The following POLN variants were observed in gnomAD, a reference collection of about 807,000 sequenced individuals.
POLN encodes DNA polymerase nu.
POLN carries 108 observed loss-of-function variants against 113.5 expected under a neutral mutation model. The ratio of observed to expected loss-of-function variants is 0.95; its 90% CI spans 0.81 to 1.12. The LOEUF is 1.12. POLN is among the 50% of genes most tolerant of loss of function. The probability of loss-of-function intolerance (pLI) is 0.00; values close to 1 mark genes in which losing one functional copy is unlikely to be tolerated. For synonymous variants in POLN, 386 were observed against 391.5 expected, an observed-to-expected ratio of 0.99 and a Z score of 0.17; for missense variants, 1,097 against 1,077.1, an observed-to-expected ratio of 1.02 and a Z score of -0.26.
At chr4:2,078,786 C>T (rs2108688112) in intron 23 of POLN, 2 of 985,458 alleles carry the variant, frequency 2.0e-6, no homozygotes, top group Non-Finnish European at 2.4e-6. Flanking sequence ...TGGCTGATGA[C>T]AGAAGGATGA....
chr4:2,152,340 ATTTT>A (rs75242681), intron 16 of POLN, among the ~76,000 whole-genome samples: 2 of 129,494 alleles, frequency 1.5e-5, no homozygotes, highest in African/African-American at 5.8e-5. Flanking sequence ...ACCTGGCCTG[ATTTT>A]TTTTTTTTTT....
At position 2,187,428 on chromosome 4, in the gene POLN, G is replaced by A. The variant is rs911291656; in HGVS notation, c.1021+5776C>T. Reference sequence around the variant, plus strand: ...CCGGCTCACTTTTGAATTTTTAGTAGAGACAGGGTTTCACCATGTTGGCCA... The same window carrying A: ...CCGGCTCACTTTTGAATTTTTAGTAAAGACAGGGTTTCACCATGTTGGCCA... On this transcript the variant is annotated intron_variant, in intron 7 of 25. Transcript: ENST00000511885. Among the ~76,000 whole-genome samples, 4 of 151,994 alleles carry A rather than the reference G, an allele frequency of 2.6e-5. No homozygotes were observed. In the South Asian group the frequency reaches 8.3e-4, roughly 32 times the overall value.
intron 20 of POLN, chr4:2,089,139 A>G (rs935009759): frequency 1.6e-6 from 2 of 1,263,650 alleles, no homozygotes; most frequent in Non-Finnish European, 2.3e-6. Context: ...GGACCCTAAG[A>G]TCAATATTTG....
At chr4:2,128,301 C>T in intron 18 of POLN, 74 bp from the exon 19 acceptor site, 1 of 871,932 alleles carries the variant, frequency 1.1e-6, no homozygotes. Context: ...ACCCCGGCCA[C>T]CCTCAGACTC....
At chr4:2,213,729 T>C (rs1007909531) in intron 3 of POLN, among the ~76,000 whole-genome samples, 1 of 151,950 alleles carries the variant, frequency 6.6e-6, no homozygotes, top group African/African-American at 2.4e-5. Context: ...ATACTTAGGA[T>C]AAATATAACA....
intron 25 of POLN, among the ~76,000 whole-genome samples, 198 bp downstream of exon 25, chr4:2,072,770 C>T (rs914825557): frequency 4.9e-4 from 75 of 152,340 alleles, no homozygotes; most frequent in Middle Eastern, 6.8e-3. Context: ...GCTGCCGTCC[C>T]TGTTCACTGA....
chr4:2,097,628 G>A (rs1730826592), intron 19 of POLN, among the ~76,000 whole-genome samples: 2 of 152,060 alleles, frequency 1.3e-5, no homozygotes, highest in Admixed American at 6.5e-5. Flanking sequence ...GATTACAGGC[G>A]TGAGCCACCG....
intron 16 of POLN, among the ~76,000 whole-genome samples, chr4:2,136,480 TC>T (rs1477438738): frequency 2.6e-5 from 4 of 152,250 alleles, no homozygotes; most frequent in African/African-American, 9.6e-5. Context: ...CATCCCAGCA[TC>T]TGTTTTCATG....
At chr4:2,240,148 G>C in intron 2 of POLN, 1 of 1,613,670 alleles carries the variant, frequency 6.2e-7, no homozygotes, top group Non-Finnish European at 8.5e-7. Context: ...ATGTATGCGA[G>C]CTGCAGTCTA....
intron 19 of POLN, among the ~76,000 whole-genome samples, chr4:2,114,516 T>C (rs990994564): frequency 6.6e-6 from 1 of 152,348 alleles, no homozygotes; most frequent in East Asian, 1.9e-4. Flanking sequence ...GAGTTCTATA[T>C]TCTACATTCT....
At chr4:2,226,260 G>A (rs1298212797) in intron 3 of POLN, among the ~76,000 whole-genome samples, 2 of 152,182 alleles carry the variant, frequency 1.3e-5, no homozygotes, top group African/African-American at 2.4e-5. Context: ...TCACTGACAG[G>A]CACCTGGCCA....
At chr4:2,132,006 A>T (rs1261238446) in intron 16 of POLN, among the ~76,000 whole-genome samples, 1 of 152,196 alleles carries the variant, frequency 6.6e-6, no homozygotes, top group Non-Finnish European at 1.5e-5. Context: ...CTCCCTGGCT[A>T]AATCTGACGA....
chr4:2,134,975 G>A (rs563399760), intron 16 of POLN, among the ~76,000 whole-genome samples: 3 of 152,244 alleles, frequency 2.0e-5, no homozygotes, highest in East Asian at 3.9e-4. Context: ...CCTTGTGCAC[G>A]CATCCCCCCA....
intron 24 of POLN, 99 bp from the exon 25 acceptor site, chr4:2,073,128 C>A: frequency 1.8e-6 from 2 of 1,138,990 alleles, no homozygotes; most frequent in Non-Finnish European, 2.6e-6. Flanking sequence ...CTGCCCCGGC[C>A]CCTGAGCCCC....
chr4:2,180,968 T>C (rs1313093853), intron 7 of POLN, among the ~76,000 whole-genome samples: 1 of 151,780 alleles, frequency 6.6e-6, no homozygotes, highest in East Asian at 1.9e-4. Flanking sequence ...TTAGGTGACT[T>C]AGAAAAAGAA....
chr4:2,096,686 A>AAGAGAGAG (rs750844060), intron 19 of POLN, among the ~76,000 whole-genome samples: 2,180 of 129,950 alleles, frequency 0.017, 31 homozygotes, highest in Non-Finnish European at 0.021. Flanking sequence ...AGCCGAGAGA[A>AAGAGAGAG]AGAGAGAGAG....
chr4:2,138,431 C>T (rs1329900325), intron 16 of POLN, among the ~76,000 whole-genome samples: 1 of 152,118 alleles, frequency 6.6e-6, no homozygotes, highest in Non-Finnish European at 1.5e-5. Context: ...GGGTGGGGAG[C>T]TGGAAGGCTG....
chr4:2,221,763 C>T (rs1374950225), intron 3 of POLN, among the ~76,000 whole-genome samples: 1 of 152,082 alleles, frequency 6.6e-6, no homozygotes, highest in Non-Finnish European at 1.5e-5. Flanking sequence ...TTAGTAGAGA[C>T]AGGGTTCCAC....
chr4:2,088,147 T>C (rs1466399601), intron 20 of POLN, among the ~76,000 whole-genome samples: 4 of 152,178 alleles, frequency 2.6e-5, no homozygotes, highest in African/African-American at 9.7e-5. Flanking sequence ...TTTATTATCA[T>C]TAAAAATGTA....
Sources: allele counts gnomAD v4.1 joint callset (sites outside exome capture counted in the v4.1 genomes callset), GRCh38; gene constraint gnomAD v4.1.1; transcripts MANE v1.5; gene names NCBI Gene and HGNC (gene_info 2026-07-23, HGNC 2026-07-21).